The following AMZ1 variants were observed in gnomAD, a reference collection of about 807,000 sequenced individuals.
AMZ1 encodes archaelysin family metallopeptidase 1.
Under a neutral mutation model 29.9 loss-of-function variants are expected in AMZ1, and 39 were observed. The observed-to-expected ratio is 1.30, with a 90% confidence interval of 1.01 to 1.70. AMZ1 has a LOEUF of 1.70. Among genes scored for constraint, AMZ1 ranks in the 40% most tolerant of loss-of-function variants. The probability of loss-of-function intolerance (pLI) is 0.00; values close to 1 mark genes in which losing one functional copy is unlikely to be tolerated. For synonymous variants in AMZ1, 458 were observed against 304.0 expected (o/e 1.51, Z -5.27); for missense variants, 1,041 against 680.6 (o/e 1.53, Z -5.89).
At chr7:2,737,720 C>T (rs371816190) in intron 4 of AMZ1, among the ~76,000 whole-genome samples, 11 of 152,144 alleles carry the variant, frequency 7.2e-5, no homozygotes, top group Non-Finnish European at 1.0e-4. Context: ...CTCACTTCAA[C>T]GTGACAAATT....
chr7:2,724,266 G>A (rs1328689983), downstream of AMZ1, among the ~76,000 whole-genome samples: 2 of 152,250 alleles, frequency 1.3e-5, no homozygotes, highest in Non-Finnish European at 2.9e-5. Context: ...TAAGCCAGCT[G>A]GGGCTCACCA....
intron 6 of AMZ1, among the ~76,000 whole-genome samples, chr7:2,712,055 C>T (rs28536606): frequency 2.0e-3 from 85 of 42,590 alleles, no homozygotes; most frequent in Admixed American, 0.015. Flanking sequence ...TTAAAAAAAT[C>T]GAAAAATGTT....
At chr7:2,720,973 C>A (rs1392786579), downstream of AMZ1, among the ~76,000 whole-genome samples, 1 of 152,204 alleles carries the variant, frequency 6.6e-6, no homozygotes, top group Non-Finnish European at 1.5e-5. Flanking sequence ...GTCACCACGC[C>A]CAGCCCGTTA....
At chr7:2,730,969 C>T (rs775345957) in intron 4 of AMZ1, 7 of 532,476 alleles carry the variant, frequency 1.3e-5, no homozygotes, top group Middle Eastern at 5.0e-4. Flanking sequence ...TAGTTTCACT[C>T]GCCCCCAGGA....
chr7:2,701,860 C>T (rs1453709183), intron 2 of AMZ1, among the ~76,000 whole-genome samples: 2 of 152,334 alleles, frequency 1.3e-5, no homozygotes, highest in South Asian at 2.1e-4. Flanking sequence ...TCTCAGCATC[C>T]ACCACCCCAC....
chr7:2,731,448 G>A lies in AMZ1; in HGVS notation n.550+21632G>A, dbSNP rs778710393. Reference sequence around the variant, plus strand: ...CCAGGAGGTCCATCTTGTTGAGGAAGAGAATGATGGAGACGTTGAAGAAGA... The same window carrying A: ...CCAGGAGGTCCATCTTGTTGAGGAAAAGAATGATGGAGACGTTGAAGAAGA... On this transcript the variant is annotated intron_variant and non_coding_transcript_variant, in intron 4 of 4. Transcript: ENST00000489665. This position sits in a 1 kb window ranked among gnomAD's most constrained non-coding sequence, Gnocchi z 6.0. The A allele has an allele frequency of 1.2e-5, 20 of 1,613,754 alleles. No homozygotes were observed. The highest frequency in any genetic ancestry group is 4.0e-5 in the African/African-American group (3 of 74,912).
rs141870390 is a variant in AMZ1, at chr7:2,740,816, G to A, written n.551-23896G>A. Reference sequence around the variant, plus strand: ...TCCCAGCACTTTGGGAGGCCGAGGCGGACGGATCACGAGGTCGAGAGATCT... The same window carrying A: ...TCCCAGCACTTTGGGAGGCCGAGGCAGACGGATCACGAGGTCGAGAGATCT... On this transcript the variant is annotated intron_variant and non_coding_transcript_variant, in intron 4 of 4. Transcript: ENST00000489665. Among the ~76,000 whole-genome samples, 1,387 of 152,270 alleles carry A rather than the reference G, an allele frequency of 9.1e-3. 11 individuals carry two copies. Among genetic ancestry groups the A allele is most frequent in the Non-Finnish European group, 0.015 (1,024 of 68,028 alleles).
At chr7:2,720,735 C>G (rs1188770085), downstream of AMZ1, among the ~76,000 whole-genome samples, 1 of 151,810 alleles carries the variant, frequency 6.6e-6, no homozygotes, top group African/African-American at 2.4e-5. Context: ...ATACAGGGGT[C>G]TTGCTATGTT....
At position 2,731,067 on chromosome 7, in the gene AMZ1, C is replaced by T; in HGVS notation, n.550+21251C>T. ...GACAGCATTCCTGAGCCAGGTATTC[C>T]AGGGCACGGATCCGAGAAACCCACT... is the stretch of plus-strand genomic sequence containing the variant. On this transcript the variant is annotated intron_variant and non_coding_transcript_variant, in intron 4 of 4. Coordinates refer to the AMZ1 transcript ENST00000489665. This position sits in a 1 kb window ranked among gnomAD's most constrained non-coding sequence, Gnocchi z 6.0. 1 of 683,478 alleles carries T rather than the reference C, an allele frequency of 1.5e-6. No homozygotes were observed. 42.3% of individuals were successfully genotyped at this position (683,478 alleles called of 1,614,324 possible). A position where few individuals can be genotyped will look rare whatever the true frequency, so the allele number is the denominator to read the frequency against.
At chr7:2,705,306 C>T (rs1788287949) in intron 3 of AMZ1, among the ~76,000 whole-genome samples, 1 of 152,208 alleles carries the variant, frequency 6.6e-6, no homozygotes, top group South Asian at 2.1e-4. Context: ...TGCCCACTCC[C>T]CCACCCCAGA....
chr7:2,732,324 A>G (rs1367885369), intron 4 of AMZ1, among the ~76,000 whole-genome samples: 1 of 152,164 alleles, frequency 6.6e-6, no homozygotes, highest in Admixed American at 6.5e-5. Flanking sequence ...AGTGGGAGGA[A>G]TACCTTGAGC....
rs1322532672 is a variant in AMZ1, at chr7:2,714,745, T to A, written c.*1867T>A. 6.6e-6 allele frequency: 1 copy of A among 152,206 alleles called. No individual in the cohort carries two copies. The highest frequency in any genetic ancestry group is 1.5e-5 in the Non-Finnish European group (1 of 68,038). 9.4% of individuals were successfully genotyped at this position (152,206 alleles called of 1,614,324 possible). On this transcript the variant is annotated 3_prime_UTR_variant, in exon 7 of 7. Coordinates refer to ENST00000683327, the MANE Select transcript of AMZ1 (RefSeq NM_001384743.1). ...CGTTCACACGGCTGCCAAGTGGAAT[T>A]TGGCTGGGAATCTCAGGCCTTGGTT...
downstream of AMZ1, among the ~76,000 whole-genome samples, chr7:2,721,286 C>T (rs919529645): frequency 3.9e-5 from 6 of 152,192 alleles, no homozygotes; most frequent in Non-Finnish European, 5.9e-5. Flanking sequence ...ACTCTCCTGC[C>T]GCGCACCGCA....
At chr7:2,699,612 G>A (rs1201720424) in intron 1 of AMZ1, among the ~76,000 whole-genome samples, 1 of 152,070 alleles carries the variant, frequency 6.6e-6, no homozygotes, top group East Asian at 1.9e-4. Context: ...CTGCCGTGAT[G>A]GGAGTTCTTG....
At chr7:2,734,731 G>C (rs1790072175) in intron 4 of AMZ1, among the ~76,000 whole-genome samples, 2 of 152,216 alleles carry the variant, frequency 1.3e-5, no homozygotes, top group African/African-American at 4.8e-5. Flanking sequence ...TGTTTTGTTT[G>C]AGGGGACAGA....
chr7:2,689,014 C>T (rs1787221979), intron 1 of AMZ1, among the ~76,000 whole-genome samples: 2 of 152,194 alleles, frequency 1.3e-5, no homozygotes, highest in African/African-American at 4.8e-5. Context: ...GAACAGGAAG[C>T]CAAGAGTCTG....
rs1408166712 is a variant in AMZ1, at chr7:2,719,355, G to C, written c.*6477G>C. ...CCCCCAAGCAGGAGCAATGCCTAAA[G>C]AGGGCAAAGGCCCGCGCGCCTGGCA... On this transcript the variant is annotated 3_prime_UTR_variant, in exon 7 of 7. Transcript: ENST00000683327. 2.0e-5 allele frequency among the ~76,000 whole-genome samples: 3 copies of C among 152,232 alleles called. No individual in the cohort carries two copies. The highest frequency in any genetic ancestry group is 4.4e-5 in the Non-Finnish European group (3 of 68,046).
chr7:2,763,375 G>A (rs1009234089), upstream of AMZ1: 1 of 153,330 alleles, frequency 6.5e-6, no homozygotes. Flanking sequence ...GGGCGGAGAA[G>A]GCCGAGTTCC....
At chr7:2,703,929 C>T (rs1788202810) in intron 3 of AMZ1, among the ~76,000 whole-genome samples, 1 of 152,194 alleles carries the variant, frequency 6.6e-6, no homozygotes, top group Non-Finnish European at 1.5e-5. Context: ...TGCTCTGTCG[C>T]CCAGGCTGGA....
Sources: gnomAD v4.1 joint callset for allele counts (sites outside exome capture counted in the v4.1 genomes callset) on GRCh38, gnomAD v4.1.1 for gene constraint, Gnocchi (gnomAD v3.1) non-coding constraint, MANE v1.5 for transcripts, NCBI Gene and HGNC (gene_info 2026-07-23, HGNC 2026-07-21) for gene names.